The following THOC5 variants were observed in gnomAD, a reference collection of about 807,000 sequenced individuals.
The protein encoded by THOC5 is THO complex subunit 5, also known as Fms-interacting protein.
THOC5 carries 43 observed loss-of-function variants against 92.9 expected under a neutral mutation model. The observed-to-expected ratio is 0.46, with a 90% CI of 0.36 to 0.60. The LOEUF (loss-of-function observed/expected upper bound fraction) is 0.60. THOC5 is among the 20% of genes least tolerant of loss of function. The pLI is 0.00. For synonymous variants in THOC5, 296 were observed against 320.1 expected (o/e 0.92, Z 0.80); for missense variants, 659 against 849.4 (o/e 0.78, Z 2.79).
rs752408838 is a variant in THOC5 at position 29,517,359 on chromosome 22, G to C, written c.1497C>G (p.Gly499=). 3.7e-6 allele frequency: 6 copies of C among 1,613,912 alleles called. No individual in the cohort carries two copies. In the Admixed American group the frequency reaches 1.0e-4, roughly 27 times the overall value. The change falls in exon 16 of 20, where the codon GGC becomes GGG. Residue 499 remains glycine (G), a synonymous_variant. Coordinates refer to ENST00000490103, the MANE Select transcript of THOC5 (RefSeq NM_003678.5). The part of the protein sequence containing the change: ...LHKQFASLEH[G]IVPVTSDCQY... ...GGCAATCACTGGTAACTGGCACAAT[G>C]CCATGTTCTAAAAGAGAACAAGACA...
chr22:29,543,616 C>G, intron 3 of THOC5, 74 bp from the exon 4 acceptor site: 1 of 1,164,530 alleles, frequency 8.6e-7, no homozygotes, highest in South Asian at 1.4e-5. Context: ...TCACCACTGA[C>G]CCATCCTCAT....
Position 29,543,013 on chromosome 22 carries a change from A to G in THOC5, c.355-57T>C. 4 of 1,294,762 alleles carry G rather than the reference A, an allele frequency of 3.1e-6. 1 individual carries two copies. The South Asian group carries it at 3.7e-5, about 12-fold the overall frequency. 80.2% of individuals were successfully genotyped at this position (1,294,762 alleles called of 1,614,324 possible). ...GGCAAGTCAGGATGGAGCAGAGGAG[A>G]GGGTCAGCAAACTAAGAGAAGGTGT... On this transcript the variant is annotated intron_variant, in intron 4 of 19. Coordinates refer to ENST00000490103, the MANE Select transcript of THOC5 (RefSeq NM_003678.5).
At chr22:29,529,306 C>T (rs1202822968) in intron 8 of THOC5, 67 bp from the exon 9 acceptor site, 1 of 1,535,776 alleles carries the variant, frequency 6.5e-7, no homozygotes, top group East Asian at 2.3e-5. Context: ...GTGAGTAGGC[C>T]AGCTCTGGGG....
In THOC5 at chr22:29,542,927, C is replaced by T; in HGVS notation, c.384G>A (p.Leu128=). 6.2e-7 allele frequency: 1 copy of T among 1,613,010 alleles called. No homozygotes were observed. The highest frequency in any genetic ancestry group is 8.5e-7 in the Non-Finnish European group (1 of 1,179,478). Residue 128 remains leucine (L), a synonymous_variant, in exon 5 of 20, where the codon CTG becomes CTA. Coordinates refer to ENST00000490103, the MANE Select transcript of THOC5 (RefSeq NM_003678.5). The part of the protein sequence containing the change: ...EAKQKVDAYH[L]QLQNLLYEVM... ...CCTCATACAACAGGTTCTGGAGCTG[C>T]AGATGATAGGCATCTACTTTCTGCT... is the stretch of plus-strand genomic sequence containing the variant.
At chr22:29,524,941 G>A (rs180962085) in intron 12 of THOC5, among the ~76,000 whole-genome samples, 25 of 152,256 alleles carry the variant, frequency 1.6e-4, no homozygotes, top group Admixed American at 1.4e-3. Flanking sequence ...CCTCAGCCCC[G>A]CATGACCCTT....
intron 2 of THOC5, among the ~76,000 whole-genome samples, chr22:29,546,839 ACTT>A (rs1440843617): frequency 4.2e-5 from 6 of 141,468 alleles, no homozygotes; most frequent in South Asian, 2.2e-4. Context: ...TACCCAAGTC[ACTT>A]CTTTTTTTTT....
intron 12 of THOC5, among the ~76,000 whole-genome samples, chr22:29,524,963 T>G (rs990759626): frequency 2.6e-5 from 4 of 152,110 alleles, no homozygotes; most frequent in Non-Finnish European, 5.9e-5. Context: ...TTCCCGCCCA[T>G]GTTTGCAGAA....
At position 29,539,368 on chromosome 22, in the gene THOC5, T is replaced by C; in HGVS notation, c.561A>G (p.Thr187=). The C allele has an allele frequency of 1.2e-6, 2 of 1,613,980 alleles. No homozygotes were observed. The highest frequency in any genetic ancestry group is 1.1e-5 in the South Asian group (1 of 91,078). Reference sequence around the variant, plus strand: ...CCAGCTCCCAGTCCAGACGTGCCAGTGTTTGCTGGTGAGGGTCTCCCATGG... The same window carrying C: ...CCAGCTCCCAGTCCAGACGTGCCAGCGTTTGCTGGTGAGGGTCTCCCATGG... ...EVTMGDPHQQ[T]LARLDWELEQ... is the part of the protein sequence containing the mutation. Residue 187 remains threonine (T), a synonymous_variant, in exon 6 of 20, where the codon ACA becomes ACG. Coordinates refer to ENST00000490103, the MANE Select transcript of THOC5 (RefSeq NM_003678.5).
In THOC5 at chr22:29,543,174, T is replaced by C. The variant is rs1476848944; in HGVS notation, c.355-218A>G. ...GCCTGGCCAACAAGGTGAAACCCCA[T>C]CTCTACTAAAAAATACAAAAATTAG... is the stretch of plus-strand genomic sequence containing the variant. On this transcript the variant is annotated intron_variant, in intron 4 of 19. Coordinates refer to ENST00000490103, the MANE Select transcript of THOC5 (RefSeq NM_003678.5). 2.6e-5 allele frequency among the ~76,000 whole-genome samples: 4 copies of C among 151,570 alleles called. 1 individual carries two copies. The highest frequency in any genetic ancestry group is 4.4e-5 in the Non-Finnish European group (3 of 67,962).
chr22:29,540,643 C>G (rs1252621092), intron 5 of THOC5, among the ~76,000 whole-genome samples: 8 of 152,296 alleles, frequency 5.3e-5, no homozygotes, highest in South Asian at 2.1e-4. Context: ...TGATTACAGA[C>G]CAGTGCATCA....
At chr22:29,514,856 C>T (rs1455314466) in intron 17 of THOC5, among the ~76,000 whole-genome samples, 1 of 151,746 alleles carries the variant, frequency 6.6e-6, no homozygotes, top group African/African-American at 2.4e-5. Context: ...CAGGTGCCCA[C>T]CACCAACCCC....
rs1232770476 is a variant in THOC5 at position 29,506,701 on chromosome 22, T to C, written c.*1756A>G. 2 of 152,220 alleles carry C rather than the reference T, an allele frequency of 1.3e-5. No homozygotes were observed. The highest frequency in any genetic ancestry group is 4.8e-5 in the African/African-American group (2 of 41,418). The allele number at this position is 152,220 out of a possible 1,614,324, so 9.4% of individuals were successfully genotyped here. On this transcript the variant is annotated 3_prime_UTR_variant, in exon 20 of 20. Coordinates refer to ENST00000490103, the MANE Select transcript of THOC5 (RefSeq NM_003678.5). ...ATAAAAAAAAAATATTCTCCTCAAA[T>C]GTTACCTGGTCTCACTGTCCTGTAT...
intron 2 of THOC5, among the ~76,000 whole-genome samples, chr22:29,547,901 CA>C (rs35724822): frequency 6.6e-6 from 1 of 152,234 alleles, no homozygotes; most frequent in South Asian, 2.1e-4. Context: ...AAATTGGGAA[CA>C]AAAAGAGGTT....
At chr22:29,529,115 A>G in intron 9 of THOC5, 47 bp downstream of exon 9, 1 of 1,590,976 alleles carries the variant, frequency 6.3e-7, no homozygotes, top group South Asian at 1.1e-5. Flanking sequence ...CTGCCCTTGG[A>G]TGGTGACCTG....
intron 4 of THOC5, 156 bp downstream of exon 4, chr22:29,543,273 G>A (rs940904018): frequency 3.3e-6 from 2 of 599,416 alleles, no homozygotes; most frequent in Admixed American, 3.1e-5. Flanking sequence ...GCTTGAAGCT[G>A]GGAGGCAGAG....
chr22:29,543,020 G>A, intron 4 of THOC5, 64 bp from the exon 5 acceptor site: 1 of 1,197,672 alleles, frequency 8.3e-7, no homozygotes, highest in Non-Finnish European at 1.2e-6. Context: ...GAGAGGGTCA[G>A]CAAACTAAGA....
At chr22:29,522,097 T>C (rs2063452726) in intron 12 of THOC5, among the ~76,000 whole-genome samples, 1 of 150,896 alleles carries the variant, frequency 6.6e-6, no homozygotes, top group Non-Finnish European at 1.5e-5. Flanking sequence ...ACGCCTGTAA[T>C]CCCAGCACTT....
At chr22:29,549,969 A>C (rs1208987628) in intron 1 of THOC5, among the ~76,000 whole-genome samples, 2 of 152,010 alleles carry the variant, frequency 1.3e-5, no homozygotes, top group Non-Finnish European at 2.9e-5. Context: ...TAGGGAATTT[A>C]TCTCTATGAA....
chr22:29,536,530 A>T, intron 7 of THOC5, 94 bp downstream of exon 7: 1 of 738,226 alleles, frequency 1.4e-6, no homozygotes, highest in Non-Finnish European at 2.4e-6. Flanking sequence ...ACTCTAATTT[A>T]GGGTAATAGA....
Sources: allele counts gnomAD v4.1 joint callset (sites outside exome capture counted in the v4.1 genomes callset), GRCh38; gene constraint gnomAD v4.1.1; transcripts MANE v1.5; gene names NCBI Gene and HGNC (gene_info 2026-07-23, HGNC 2026-07-21).